The following MYO3B variants were observed in gnomAD, a reference collection of about 807,000 sequenced individuals.
MYO3B encodes the protein myosin-IIIb.
MYO3B carries 156 observed loss-of-function variants against 174.6 expected under a neutral mutation model. That is an observed-to-expected ratio of 0.89 (90% CI 0.78 to 1.02). The LOEUF is 1.02. Among genes scored for constraint, MYO3B ranks in the 50% least tolerant of loss-of-function variants. MYO3B has a pLI of 0.00. For synonymous variants in MYO3B, 563 were observed against 569.1 expected (o/e 0.99, Z 0.15); for missense variants, 1,632 against 1,639.4 (o/e 1.00, Z 0.08).
intron 23 of MYO3B, among the ~76,000 whole-genome samples, chr2:170,455,660 A>G (rs1021948110): frequency 1.3e-5 from 2 of 152,198 alleles, no homozygotes; most frequent in Non-Finnish European, 2.9e-5. Context: ...TCAAGTTTTG[A>G]TAACTATTTA....
At chr2:170,268,718 T>A (rs2093402790) in intron 7 of MYO3B, among the ~76,000 whole-genome samples, 1 of 151,916 alleles carries the variant, frequency 6.6e-6, no homozygotes, top group South Asian at 2.1e-4. Flanking sequence ...GGTACCAAAT[T>A]AGCAACACAC....
chr2:170,220,396 G>C (rs541824422), intron 6 of MYO3B, among the ~76,000 whole-genome samples: 1 of 151,836 alleles, frequency 6.6e-6, no homozygotes, highest in South Asian at 2.1e-4. Context: ...TTTGGAAGGC[G>C]GAGGCAGGCG....
intron 7 of MYO3B, among the ~76,000 whole-genome samples, chr2:170,241,311 A>G (rs2093130254): frequency 6.6e-6 from 1 of 152,174 alleles, no homozygotes; most frequent in Non-Finnish European, 1.5e-5. Flanking sequence ...TTTGTGGCTA[A>G]ATAGAGCTGT....
At chr2:170,545,699 G>T (rs1268782171) in intron 32 of MYO3B, among the ~76,000 whole-genome samples, 1 of 152,128 alleles carries the variant, frequency 6.6e-6, no homozygotes, top group Non-Finnish European at 1.5e-5. Context: ...TGCTATAAAT[G>T]GCTCATATGC....
intron 25 of MYO3B, among the ~76,000 whole-genome samples, chr2:170,486,024 GAA>G (rs1491558157): frequency 6.6e-6 from 1 of 150,882 alleles, no homozygotes; most frequent in Non-Finnish European, 1.5e-5. Context: ...GAGAGAGAGA[GAA>G]GAGAGAATTT....
intron 32 of MYO3B, among the ~76,000 whole-genome samples, chr2:170,592,270 T>A (rs767549089): frequency 2.6e-4 from 39 of 152,168 alleles, no homozygotes; most frequent in African/African-American, 9.2e-4. Flanking sequence ...CTTTATATTA[T>A]TGTGAAGTTG....
Position 170,653,959 on chromosome 2 carries a change from C to G in MYO3B, c.*838C>G, listed in dbSNP as rs994267563. ...AGTGGCTACAGTGGAAGGACCTGAT[C>G]TTGTCCATCTTTGTGTGCACAGAGC... On this transcript the variant is annotated 3_prime_UTR_variant, in exon 35 of 35. Coordinates refer to ENST00000408978, the MANE Select transcript of MYO3B (RefSeq NM_138995.5). 6.6e-6 allele frequency: 1 copy of G among 152,198 alleles called. No homozygotes were observed. The highest frequency in any genetic ancestry group is 2.4e-5 in the African/African-American group (1 of 41,450). The allele number at this position is 152,198 out of a possible 1,614,324, so 9.4% of individuals were successfully genotyped here.
chr2:170,583,662 T>C lies in MYO3B; in HGVS notation c.3733+39674T>C, dbSNP rs188848406. ...ATTCTGTGCATGGAACTGGGTTAAG[T>C]GTTTTTCACACAATATTGTATTTAA... On this transcript the variant is annotated intron_variant, in intron 32 of 34. Coordinates refer to ENST00000408978, the MANE Select transcript of MYO3B (RefSeq NM_138995.5). Among the ~76,000 whole-genome samples, 364 of 152,356 alleles carry C rather than the reference T, an allele frequency of 2.4e-3. 1 individual carries two copies. Among genetic ancestry groups the C allele is most frequent in the African/African-American group, 8.3e-3 (346 of 41,580 alleles).
At chr2:170,396,842 T>A (rs1574911887) in intron 16 of MYO3B, among the ~76,000 whole-genome samples, 1 of 151,354 alleles carries the variant, frequency 6.6e-6, no homozygotes, top group East Asian at 1.9e-4. Context: ...AGAGAGAGAG[T>A]CTTTGTGTGA....
intron 28 of MYO3B, among the ~76,000 whole-genome samples, chr2:170,510,993 T>C (rs1205436372): frequency 6.6e-6 from 1 of 152,344 alleles, no homozygotes; most frequent in Admixed American, 6.5e-5. Flanking sequence ...TGAAGGACAA[T>C]TGGATTGTTT....
intron 7 of MYO3B, among the ~76,000 whole-genome samples, chr2:170,273,327 A>G (rs1304437078): frequency 6.6e-6 from 1 of 152,124 alleles, no homozygotes; most frequent in East Asian, 1.9e-4. Flanking sequence ...GGATCTCAGA[A>G]TGCTGAGACC....
chr2:170,608,538 C>T (rs1694953758), intron 32 of MYO3B, among the ~76,000 whole-genome samples: 1 of 152,068 alleles, frequency 6.6e-6, no homozygotes, highest in East Asian at 1.9e-4. Context: ...GGTGGCACTT[C>T]AGATTCTTGT....
chr2:170,631,470 C>A (rs527777059), intron 32 of MYO3B, among the ~76,000 whole-genome samples: 10 of 152,110 alleles, frequency 6.6e-5, no homozygotes, highest in African/African-American at 2.2e-4. Flanking sequence ...AGCTGGAAAA[C>A]CCTCTTCAGG....
At chr2:170,363,516 G>A (rs1017602047) in intron 8 of MYO3B, among the ~76,000 whole-genome samples, 11 of 152,146 alleles carry the variant, frequency 7.2e-5, no homozygotes, top group Non-Finnish European at 1.5e-4. Flanking sequence ...CCACCAGCTT[G>A]AGAGCCCGAC....
Position 170,292,615 on chromosome 2 carries a change from G to A in MYO3B, c.750-42770G>A, listed in dbSNP as rs527377323. Among the ~76,000 whole-genome samples, 78 of 151,956 alleles carry A rather than the reference G, an allele frequency of 5.1e-4. 1 individual carries two copies. Among genetic ancestry groups the A allele is most frequent in the Non-Finnish European group, 6.0e-4 (41 of 67,996 alleles). On this transcript the variant is annotated intron_variant, in intron 7 of 34. Coordinates refer to ENST00000408978, the MANE Select transcript of MYO3B (RefSeq NM_138995.5). ...GTTGCGGTTTCCTTTTTGCCTCTAG[G>A]TGGTACCTTAAGCCCAGGTCCGCGT... is the stretch of plus-strand genomic sequence containing the variant.
chr2:170,639,743 G>A (rs186456919), intron 32 of MYO3B, among the ~76,000 whole-genome samples: 3 of 152,274 alleles, frequency 2.0e-5, no homozygotes, highest in East Asian at 3.9e-4. Flanking sequence ...AGGTCAGAAT[G>A]CCTTTTTGGC....
intron 6 of MYO3B, among the ~76,000 whole-genome samples, chr2:170,218,617 C>T (rs905331975): frequency 1.3e-5 from 2 of 152,194 alleles, no homozygotes; most frequent in African/African-American, 4.8e-5. Context: ...TCTCCTACTA[C>T]TTTATTCCAT....
chr2:170,552,676 G>A (rs1433292935), intron 32 of MYO3B, among the ~76,000 whole-genome samples: 1 of 152,164 alleles, frequency 6.6e-6, no homozygotes, highest in African/African-American at 2.4e-5. Context: ...CATTTTCTGT[G>A]GAAGAATTCA....
At chr2:170,210,401 T>C (rs1267228309) in intron 3 of MYO3B, among the ~76,000 whole-genome samples, 1 of 152,244 alleles carries the variant, frequency 6.6e-6, no homozygotes, top group Admixed American at 6.5e-5. Context: ...AAACACATCT[T>C]ACTGTTCCTA....
Sources: allele counts gnomAD v4.1 joint callset (sites outside exome capture counted in the v4.1 genomes callset), GRCh38; gene constraint gnomAD v4.1.1; transcripts MANE v1.5; gene names NCBI Gene and HGNC (gene_info 2026-07-23, HGNC 2026-07-21).